Variants in UNC5D observed in about 807,000 individuals in gnomAD.
UNC5D encodes the protein unc-5 netrin receptor D, also known as netrin receptor UNC5D.
In UNC5D, 39 loss-of-function variants were observed where a neutral mutation model predicts 105.4. The ratio of observed to expected loss-of-function variants is 0.37; its 90% CI spans 0.29 to 0.48. The LOEUF (loss-of-function observed/expected upper bound fraction) is 0.48, where lower values mean the gene tolerates loss of function less well. Among genes scored for constraint, UNC5D ranks in the 20% least tolerant of loss-of-function variants. The pLI, the probability that UNC5D is intolerant of heterozygous loss-of-function variation, is 0.98. For synonymous variants in UNC5D, 452 were observed against 450.4 expected, an observed-to-expected ratio of 1.00 and a Z score of -0.04; for missense variants, 991 against 1,202.4, an observed-to-expected ratio of 0.82 and a Z score of 2.60.
At chr8:35,692,446 A>G (rs1325954914) in intron 7 of UNC5D, among the ~76,000 whole-genome samples, 1 of 152,018 alleles carries the variant, frequency 6.6e-6, no homozygotes, top group Non-Finnish European at 1.5e-5. Context: ...AATCAGAGAA[A>G]TTTCATCCTG....
intron 1 of UNC5D, among the ~76,000 whole-genome samples, chr8:35,260,696 T>G (rs2128821321): frequency 6.6e-6 from 1 of 152,272 alleles, no homozygotes; most frequent in South Asian, 2.1e-4. Flanking sequence ...ACTCCTGAGC[T>G]CAGGGAATCC....
At chr8:35,564,757 C>A (rs1817212256) in intron 2 of UNC5D, among the ~76,000 whole-genome samples, 1 of 152,130 alleles carries the variant, frequency 6.6e-6, no homozygotes, top group African/African-American at 2.4e-5. Context: ...CAATCCTCCC[C>A]ACTTCTGAGA....
chr8:35,341,798 G>A (rs555128119), intron 1 of UNC5D, among the ~76,000 whole-genome samples: 38 of 152,064 alleles, frequency 2.5e-4, no homozygotes, highest in Non-Finnish European at 4.7e-4. Context: ...AAAATGAGAT[G>A]ATCATAGTTA....
At chr8:35,251,599 G>A (rs568191731) in intron 1 of UNC5D, among the ~76,000 whole-genome samples, 18 of 152,278 alleles carry the variant, frequency 1.2e-4, no homozygotes, top group African/African-American at 4.1e-4. Context: ...TAAAACTAAT[G>A]TGATTATATG....
chr8:35,439,089 C>T (rs1465977394), intron 1 of UNC5D, among the ~76,000 whole-genome samples: 2 of 151,738 alleles, frequency 1.3e-5, no homozygotes, highest in Non-Finnish European at 2.9e-5. Flanking sequence ...TATCTCAGCC[C>T]CTAGTTCTAG....
At chr8:35,411,718 C>T (rs905953279) in intron 1 of UNC5D, among the ~76,000 whole-genome samples, 3 of 151,954 alleles carry the variant, frequency 2.0e-5, no homozygotes, top group Non-Finnish European at 4.4e-5. Flanking sequence ...ACTGACATTG[C>T]ATTATATGTA....
At chr8:35,455,952 G>A (rs1375979448) in intron 1 of UNC5D, among the ~76,000 whole-genome samples, 3 of 152,128 alleles carry the variant, frequency 2.0e-5, no homozygotes, top group East Asian at 1.9e-4. Flanking sequence ...GATTTGGGTA[G>A]GGACACAGCC....
intron 1 of UNC5D, among the ~76,000 whole-genome samples, chr8:35,251,435 G>A (rs1803687997): frequency 1.3e-5 from 2 of 152,144 alleles, no homozygotes; most frequent in African/African-American, 4.8e-5. Flanking sequence ...GGGATTATGG[G>A]AACTACAATT....
At chr8:35,442,032 G>A (rs982726265) in intron 1 of UNC5D, among the ~76,000 whole-genome samples, 2 of 151,866 alleles carry the variant, frequency 1.3e-5, no homozygotes, top group African/African-American at 4.8e-5. Flanking sequence ...AGAAAACCCT[G>A]TACAACCTGT....
intron 1 of UNC5D, among the ~76,000 whole-genome samples, chr8:35,443,662 C>T (rs72634916): frequency 0.15 from 23,427 of 151,872 alleles, 2,101 homozygotes; most frequent in Non-Finnish European, 0.21. Context: ...TAGCTTCACA[C>T]TGGAAAGAAT....
chr8:35,360,714 A>G (rs559659032), intron 1 of UNC5D, among the ~76,000 whole-genome samples: 2 of 152,154 alleles, frequency 1.3e-5, no homozygotes, highest in Admixed American at 6.6e-5. Flanking sequence ...ATATTTTAGG[A>G]GTCTGGGAAA....
intron 3 of UNC5D, among the ~76,000 whole-genome samples, chr8:35,587,964 TAATATATA>T (rs1818896814): frequency 6.2e-5 from 2 of 32,490 alleles, no homozygotes; most frequent in South Asian, 4.6e-3. Context: ...ATAACTATAA[TAATATATA>T]TATATATATA....
chr8:35,470,954 G>A (rs183816228), intron 1 of UNC5D, among the ~76,000 whole-genome samples: 1 of 152,168 alleles, frequency 6.6e-6, no homozygotes, highest in African/African-American at 2.4e-5. Flanking sequence ...GTTTGGGGTT[G>A]AGTTCCCATT....
intron 7 of UNC5D, among the ~76,000 whole-genome samples, chr8:35,701,887 TTATC>T (rs1454715968): frequency 6.7e-6 from 1 of 148,922 alleles, no homozygotes; most frequent in Non-Finnish European, 1.5e-5. Context: ...CCCTTTGTGA[TTATC>T]TATTATATAT....
chr8:35,368,938 A>G (rs1802281814), intron 1 of UNC5D, among the ~76,000 whole-genome samples: 2 of 152,220 alleles, frequency 1.3e-5, no homozygotes, highest in South Asian at 4.1e-4. Context: ...ATGGACTTCC[A>G]GTCTCCGGAA....
At chr8:35,761,157 T>C (rs1452206271) in intron 14 of UNC5D, among the ~76,000 whole-genome samples, 1 of 152,180 alleles carries the variant, frequency 6.6e-6, no homozygotes, top group Non-Finnish European at 1.5e-5. Flanking sequence ...TGCTTTCTGG[T>C]AAGCAGTATT....
rs190516309 is a variant in UNC5D at position 35,582,761 on chromosome 8, T to G, written c.467-12793T>G. Among the ~76,000 whole-genome samples the G allele has an allele frequency of 1.0e-3, 154 of 152,290 alleles. 2 individuals are homozygous for G. The highest frequency in any genetic ancestry group is 3.1e-3 in the South Asian group (15 of 4,820). ...TTTCATCCCTCTCCAGGAGTGGTAG[T>G]GAATTACAATGAGGTGGTGAGTATT... On this transcript the variant is annotated intron_variant, in intron 3 of 16. Coordinates refer to ENST00000404895, the MANE Select transcript of UNC5D (RefSeq NM_080872.4).
intron 1 of UNC5D, among the ~76,000 whole-genome samples, chr8:35,250,760 G>C (rs905502849): frequency 6.6e-6 from 1 of 152,138 alleles, no homozygotes; most frequent in African/African-American, 2.4e-5. Flanking sequence ...GCCTCCCAAA[G>C]TGTTGGGATT....
chr8:35,477,528 A>G (rs1340383757), intron 1 of UNC5D, among the ~76,000 whole-genome samples: 1 of 152,138 alleles, frequency 6.6e-6, no homozygotes, highest in Non-Finnish European at 1.5e-5. Flanking sequence ...TGTAAGAAAG[A>G]ATTATTCTTG....
Sources: allele counts gnomAD v4.1 joint callset (sites outside exome capture counted in the v4.1 genomes callset), GRCh38; gene constraint gnomAD v4.1.1; transcripts MANE v1.5; gene names NCBI Gene and HGNC (gene_info 2026-07-23, HGNC 2026-07-21).